Variants in CTNNA3 observed in about 807,000 individuals in gnomAD.
CTNNA3 encodes the protein catenin alpha-3.
CTNNA3 carries 76 observed loss-of-function variants against 95.7 expected under a neutral mutation model. The observed-to-expected ratio is 0.79, with a 90% CI of 0.66 to 0.96. CTNNA3 has a LOEUF of 0.96. Ranked by LOEUF, CTNNA3 falls within the 40% of genes least tolerant of loss-of-function variation. The probability of loss-of-function intolerance (pLI) is 0.00; values close to 1 mark genes in which losing one functional copy is unlikely to be tolerated. For synonymous variants in CTNNA3, 431 were observed against 374.4 expected (o/e 1.15, Z -1.74); for missense variants, 1,191 against 1,089.8 (o/e 1.09, Z -1.31).
At position 66,463,886 on chromosome 10, in the gene CTNNA3, AT is replaced by A. The variant is rs112075327; in HGVS notation, c.1531+56730del. Among the ~76,000 whole-genome samples the A allele has an allele frequency of 3.9e-3, 555 of 143,492 alleles. 1 individual carries two copies. The highest frequency in any genetic ancestry group is 7.5e-3 in the Middle Eastern group (2 of 266). The allele number at this position is 143,492 out of a possible 152,430, so 94.1% of individuals were successfully genotyped here. On this transcript the variant is annotated intron_variant, in intron 11 of 17. Coordinates refer to ENST00000433211, the MANE Select transcript of CTNNA3 (RefSeq NM_013266.4). Reference sequence around the variant, plus strand: ...GAACAGAGGGAGCAGTCACTTTCCAATTTTTTTTTTTTTTTTACAAATAAGC... The same window carrying A: ...GAACAGAGGGAGCAGTCACTTTCCAATTTTTTTTTTTTTTTACAAATAAGC...
At chr10:67,232,618 C>A (rs1286411576) in intron 5 of CTNNA3, among the ~76,000 whole-genome samples, 1 of 150,818 alleles carries the variant, frequency 6.6e-6, no homozygotes, top group Non-Finnish European at 1.5e-5. Context: ...AGCAAAATAA[C>A]CAGCTAACAT....
At chr10:66,569,773 T>A (rs982880690) in intron 10 of CTNNA3, among the ~76,000 whole-genome samples, 4 of 152,164 alleles carry the variant, frequency 2.6e-5, no homozygotes, top group African/African-American at 9.7e-5. Flanking sequence ...CCACGCTTGA[T>A]GTGATATCTG....
At chr10:66,721,943 A>G (rs1200892621) in intron 9 of CTNNA3, among the ~76,000 whole-genome samples, 1 of 152,180 alleles carries the variant, frequency 6.6e-6, no homozygotes, top group Non-Finnish European at 1.5e-5. Flanking sequence ...TCCAAACTCA[A>G]TGTTCCTGAC....
At chr10:66,516,731 G>A (rs915391477) in intron 11 of CTNNA3, among the ~76,000 whole-genome samples, 2 of 152,154 alleles carry the variant, frequency 1.3e-5, no homozygotes, top group African/African-American at 2.4e-5. Flanking sequence ...GATTGAGAGA[G>A]GAACCAAGTT....
chr10:66,023,927 C>T lies in CTNNA3; in HGVS notation c.2160-35130G>A, dbSNP rs529376213. Among the ~76,000 whole-genome samples the T allele has an allele frequency of 1.6e-3, 246 of 152,120 alleles. 1 individual carries two copies. Among genetic ancestry groups the T allele is most frequent in the African/African-American group, 5.8e-3 (240 of 41,496 alleles). The stretch of plus-strand genomic sequence containing the variant: ...CTACACCCATATGAAACTCGTTCTA[C>T]GATATTTTAACCAATACAAAGTTTA... On this transcript the variant is annotated intron_variant, in intron 15 of 17. Transcript: ENST00000433211.
chr10:67,566,595 T>C lies in CTNNA3; in HGVS notation c.293-26926A>G, dbSNP rs1354405549. On this transcript the variant is annotated intron_variant, in intron 3 of 17. Transcript: ENST00000433211. ...GTGGGACTGTAAACTAGTTCAACCA[T>C]TGTGGAAGTCAGTGTGGCGATTCCT... is the stretch of plus-strand genomic sequence containing the variant. Among the ~76,000 whole-genome samples, 62 of 152,172 alleles carry C rather than the reference T, an allele frequency of 4.1e-4. No individual in the cohort carries two copies. In the Middle Eastern group the frequency reaches 0.014, roughly 33 times the overall value.
intron 7 of CTNNA3, among the ~76,000 whole-genome samples, chr10:66,908,683 T>TA (rs978485688): frequency 8.6e-5 from 13 of 151,954 alleles, no homozygotes; most frequent in East Asian, 7.7e-4. Flanking sequence ...TGTTTTTTTT[T>TA]AAAAAAATTC....
At chr10:67,398,437 C>T (rs963952312) in intron 5 of CTNNA3, among the ~76,000 whole-genome samples, 2 of 152,154 alleles carry the variant, frequency 1.3e-5, no homozygotes, top group Non-Finnish European at 2.9e-5. Flanking sequence ...ACCTGTACCC[C>T]CATTTTACCT....
At chr10:66,064,149 C>T (rs1054911674) in intron 15 of CTNNA3, among the ~76,000 whole-genome samples, 1 of 151,998 alleles carries the variant, frequency 6.6e-6, no homozygotes, top group South Asian at 2.1e-4. Flanking sequence ...CTTTACAAGG[C>T]GCAGGAAAGA....
intron 7 of CTNNA3, among the ~76,000 whole-genome samples, chr10:67,059,871 T>A (rs142849026): frequency 6.6e-6 from 1 of 152,348 alleles, no homozygotes; most frequent in East Asian, 1.9e-4. Flanking sequence ...TAAGTCATTT[T>A]GCAATGAAGA....
intron 7 of CTNNA3, among the ~76,000 whole-genome samples, chr10:66,994,370 C>G (rs937347647): frequency 6.6e-6 from 1 of 152,178 alleles, no homozygotes; most frequent in African/African-American, 2.4e-5. Context: ...ACATTAGGTA[C>G]AGTGTGGAAC....
intron 12 of CTNNA3, among the ~76,000 whole-genome samples, chr10:66,374,149 G>A (rs112084548): frequency 3.9e-5 from 6 of 152,190 alleles, no homozygotes; most frequent in South Asian, 4.2e-4. Flanking sequence ...AGATGCTACC[G>A]GGGAAAATAA....
intron 7 of CTNNA3, among the ~76,000 whole-genome samples, chr10:67,080,771 T>C (rs1857007896): frequency 1.3e-5 from 2 of 151,568 alleles, no homozygotes; most frequent in Admixed American, 1.3e-4. Context: ...TAGCCCGGCG[T>C]GGTGGCGGGC....
chr10:66,841,225 CTATT>C (rs1228083000), intron 7 of CTNNA3, among the ~76,000 whole-genome samples: 40 of 152,126 alleles, frequency 2.6e-4, no homozygotes. Context: ...TTAGAAGTGT[CTATT>C]TACTTACAAA....
intron 7 of CTNNA3, among the ~76,000 whole-genome samples, chr10:66,959,781 T>C (rs1849017580): frequency 5.3e-5 from 8 of 152,164 alleles, no homozygotes. Context: ...TTTCTCTCTA[T>C]CCGACCAGAA....
chr10:66,646,681 G>T (rs560560128), intron 9 of CTNNA3, among the ~76,000 whole-genome samples: 1 of 152,114 alleles, frequency 6.6e-6, no homozygotes, highest in South Asian at 2.1e-4. Context: ...AACCAAAGCA[G>T]TACAGAGCAG....
chr10:67,262,684 T>C (rs1157142297), intron 5 of CTNNA3, among the ~76,000 whole-genome samples: 1 of 152,154 alleles, frequency 6.6e-6, no homozygotes, highest in Non-Finnish European at 1.5e-5. Context: ...TCCGTGGATC[T>C]TTGGCGGGGA....
chr10:66,218,895 G>C (rs1025547702), intron 13 of CTNNA3, among the ~76,000 whole-genome samples: 1 of 152,158 alleles, frequency 6.6e-6, no homozygotes, highest in Non-Finnish European at 1.5e-5. Context: ...ACAGGACAGA[G>C]TCCTAATCAA....
intron 7 of CTNNA3, among the ~76,000 whole-genome samples, chr10:67,064,020 G>C (rs376767942): frequency 6.6e-6 from 1 of 152,148 alleles, no homozygotes; most frequent in Non-Finnish European, 1.5e-5. Flanking sequence ...CTCTATGCAC[G>C]TGTGCTTTGG....
Sources: allele counts gnomAD v4.1 joint callset (sites outside exome capture counted in the v4.1 genomes callset), GRCh38; gene constraint gnomAD v4.1.1; transcripts MANE v1.5; gene names NCBI Gene and HGNC (gene_info 2026-07-23, HGNC 2026-07-21).